The following FGF14 variants were observed in gnomAD, a reference collection of about 807,000 sequenced individuals.
The protein encoded by FGF14 is fibroblast growth factor 14.
In FGF14, 5 loss-of-function variants were observed where a neutral mutation model predicts 25.5. The observed-to-expected ratio is 0.20, with a 90% CI of 0.10 to 0.41. The LOEUF (loss-of-function observed/expected upper bound fraction) is 0.41. Ranked by LOEUF, FGF14 falls within the 10% of genes least tolerant of loss-of-function variation. FGF14 has a pLI of 1.00. For missense variants in FGF14, 222 were observed against 320.1 expected, an observed-to-expected ratio of 0.69 and a Z score of 2.34; for synonymous variants, 138 against 118.3, an observed-to-expected ratio of 1.17 and a Z score of -1.08.
At chr13:101,908,844 T>C (rs1377802605) in intron 1 of FGF14, among the ~76,000 whole-genome samples, 1 of 152,146 alleles carries the variant, frequency 6.6e-6, no homozygotes, top group African/African-American at 2.4e-5. Context: ...CAAACTATAC[T>C]ACAAGGCTAC....
At chr13:101,963,269 TCCC>T (rs2036980005) in intron 1 of FGF14, among the ~76,000 whole-genome samples, 1 of 152,192 alleles carries the variant, frequency 6.6e-6, no homozygotes, top group South Asian at 2.1e-4. Flanking sequence ...AAATGTTAAT[TCCC>T]CCATTTTATT....
chr13:101,873,802 C>A (rs920998338), intron 2 of FGF14, among the ~76,000 whole-genome samples: 1 of 152,034 alleles, frequency 6.6e-6, no homozygotes, highest in African/African-American at 2.4e-5. Flanking sequence ...GCATAAAACG[C>A]CTCCTCTTTC....
chr13:101,728,802 G>A (rs1271513954), intron 3 of FGF14, among the ~76,000 whole-genome samples: 2 of 152,030 alleles, frequency 1.3e-5, no homozygotes, highest in African/African-American at 2.4e-5. Context: ...CCTGGGCTTC[G>A]GGTGTCTCTG....
chr13:101,743,638 A>G (rs1390403517), intron 3 of FGF14, among the ~76,000 whole-genome samples: 1 of 152,204 alleles, frequency 6.6e-6, no homozygotes, highest in Non-Finnish European at 1.5e-5. Context: ...TGTCAGTGAT[A>G]GAATGTTCAG....
At chr13:102,288,320 C>T (rs959393870) in intron 1 of FGF14, among the ~76,000 whole-genome samples, 3 of 152,074 alleles carry the variant, frequency 2.0e-5, no homozygotes, top group African/African-American at 7.2e-5. Context: ...AAAACTGGTT[C>T]AAAGATCTAA....
At chr13:102,289,857 G>A (rs1487584610) in intron 1 of FGF14, among the ~76,000 whole-genome samples, 1 of 152,012 alleles carries the variant, frequency 6.6e-6, no homozygotes, top group Non-Finnish European at 1.5e-5. Flanking sequence ...TTGTTCGTGT[G>A]TGAATGATTT....
intron 1 of FGF14, among the ~76,000 whole-genome samples, chr13:102,015,188 G>A (rs373645278): frequency 4.2e-4 from 64 of 152,300 alleles, no homozygotes; most frequent in African/African-American, 1.3e-3. Context: ...GATTACAGGC[G>A]TGAGCCACCG....
chr13:101,885,933 C>T (rs553033207), intron 1 of FGF14, among the ~76,000 whole-genome samples: 6 of 152,118 alleles, frequency 3.9e-5, no homozygotes, highest in South Asian at 2.1e-4. Flanking sequence ...TATAGTACAG[C>T]TTTGCAGGGG....
At chr13:102,048,012 G>A (rs1161000576) in intron 1 of FGF14, among the ~76,000 whole-genome samples, 2 of 148,396 alleles carry the variant, frequency 1.3e-5, no homozygotes, top group African/African-American at 5.1e-5. Flanking sequence ...TATTATCTTA[G>A]TTGTTTAAAA....
chr13:102,116,375 A>AGT (rs1220048325), intron 1 of FGF14, among the ~76,000 whole-genome samples: 4 of 151,956 alleles, frequency 2.6e-5, no homozygotes, highest in African/African-American at 2.4e-5. Context: ...TGCGTAGTAT[A>AGT]GTGTGTGTGT....
chr13:101,844,380 G>C (rs1443147127), intron 3 of FGF14, among the ~76,000 whole-genome samples: 1 of 151,976 alleles, frequency 6.6e-6, no homozygotes, highest in East Asian at 1.9e-4. Flanking sequence ...GTGCATAAGA[G>C]CATCACCTTC....
At chr13:102,316,735 G>T (rs1340622924) in intron 1 of FGF14, among the ~76,000 whole-genome samples, 1 of 152,138 alleles carries the variant, frequency 6.6e-6, no homozygotes, top group Non-Finnish European at 1.5e-5. Context: ...TTGTTCAGAT[G>T]TCCTGAAACA....
At chr13:102,282,799 T>C (rs2053910854) in intron 1 of FGF14, among the ~76,000 whole-genome samples, 1 of 151,926 alleles carries the variant, frequency 6.6e-6, no homozygotes, top group African/African-American at 2.4e-5. Context: ...TCATATTCCA[T>C]TGGCCAAGGC....
chr13:101,791,391 A>G (rs138446443), intron 3 of FGF14, among the ~76,000 whole-genome samples: 171 of 152,286 alleles, frequency 1.1e-3, no homozygotes, highest in African/African-American at 3.9e-3. Flanking sequence ...CCTTTACATT[A>G]CATTTTTTTG....
intron 3 of FGF14, among the ~76,000 whole-genome samples, chr13:101,837,072 A>C (rs1012894054): frequency 6.6e-6 from 1 of 152,086 alleles, no homozygotes; most frequent in Non-Finnish European, 1.5e-5. Flanking sequence ...AATAAATCCT[A>C]CTTAGGCATG....
intron 1 of FGF14, among the ~76,000 whole-genome samples, chr13:102,306,410 A>C (rs1039504734): frequency 1.4e-5 from 2 of 138,370 alleles, no homozygotes; most frequent in Non-Finnish European, 3.2e-5. Flanking sequence ...GAGAAGGCAG[A>C]TGATGGAGGG....
At chr13:102,358,565 C>T (rs923867354) in intron 1 of FGF14, among the ~76,000 whole-genome samples, 1 of 152,166 alleles carries the variant, frequency 6.6e-6, no homozygotes, top group Admixed American at 6.5e-5. Flanking sequence ...CAAGTAGTAT[C>T]GTGTACATCT....
intron 1 of FGF14, among the ~76,000 whole-genome samples, chr13:101,971,960 T>G (rs1170819203): frequency 6.6e-6 from 1 of 152,224 alleles, no homozygotes; most frequent in Non-Finnish European, 1.5e-5. Flanking sequence ...CATGGAGGGA[T>G]CCAAATGGGA....
rs534221984 is a variant in FGF14 at position 101,854,564 on chromosome 13, G to T, written c.408+14161C>A. Among the ~76,000 whole-genome samples, 4 of 152,166 alleles carry T rather than the reference G, an allele frequency of 2.6e-5. No homozygotes were observed. In the South Asian group the frequency reaches 8.3e-4, roughly 32 times the overall value. ...TCAAAATGTAATCACAATATCTGAA[G>T]ATTAAACGAAACATAATGGAGTGTT... On this transcript the variant is annotated intron_variant, in intron 3 of 4. Transcript: ENST00000376143.
Sources: gnomAD v4.1 joint callset for allele counts (sites outside exome capture counted in the v4.1 genomes callset) on GRCh38, gnomAD v4.1.1 for gene constraint, MANE v1.5 for transcripts, NCBI Gene and HGNC (gene_info 2026-07-23, HGNC 2026-07-21) for gene names.